Variants in DDA1 observed in about 807,000 individuals in gnomAD.
The protein encoded by DDA1 is DET1 and DDB1 associated 1.
DDA1 carries 3 observed loss-of-function variants against 18.6 expected under a neutral mutation model. The ratio of observed to expected loss-of-function variants is 0.16; its 90% CI spans 0.07 to 0.42. The LOEUF (loss-of-function observed/expected upper bound fraction) is 0.42, where lower values mean the gene tolerates loss of function less well. Ranked by LOEUF, DDA1 falls within the 10% of genes least tolerant of loss-of-function variation. The pLI is 0.99. For missense variants in DDA1, 105 were observed against 138.2 expected (o/e 0.76, Z 1.20); for synonymous variants, 52 against 54.0 (o/e 0.96, Z 0.17).
At chr19:17,310,728 G>A (rs1267710718) in intron 1 of DDA1, among the ~76,000 whole-genome samples, 2 of 152,170 alleles carry the variant, frequency 1.3e-5, no homozygotes, top group African/African-American at 4.8e-5. Flanking sequence ...CCCCAAGCCT[G>A]GGAGTTGTCC....
At position 17,320,541 on chromosome 19, in the gene DDA1, A is replaced by G. The variant is rs1024428338; in HGVS notation, c.*885A>G. ...TCCTGAGAGACGGTCCATGGTGCCA[A>G]GGATGGAGCGGGGTCAGCCCCCTGC... On this transcript the variant is annotated 3_prime_UTR_variant, in exon 5 of 5. Transcript: ENST00000359866. The G allele has an allele frequency of 1.3e-5, 2 of 152,414 alleles. No individual in the cohort carries two copies. Among genetic ancestry groups the G allele is most frequent in the Non-Finnish European group, 2.9e-5 (2 of 68,152 alleles). The allele number at this position is 152,414 out of a possible 1,614,324, so 9.4% of individuals were successfully genotyped here.
At chr19:17,315,208 T>TGTATACACGCAC (rs2074201016) in intron 3 of DDA1, among the ~76,000 whole-genome samples, 1 of 22,982 alleles carries the variant, frequency 4.4e-5, no homozygotes, top group African/African-American at 2.0e-4. Flanking sequence ...TATACACACG[T>TGTATACACGCAC]GTATATACAC....
At chr19:17,318,665 C>A (rs920060183) in intron 4 of DDA1, among the ~76,000 whole-genome samples, 47 of 151,446 alleles carry the variant, frequency 3.1e-4, no homozygotes, top group Admixed American at 2.3e-3. Flanking sequence ...CCGCGCCTGG[C>A]CTTCTTTTTT....
chr19:17,310,443 G>T (rs2074173970), intron 1 of DDA1, among the ~76,000 whole-genome samples: 1 of 152,286 alleles, frequency 6.6e-6, no homozygotes, highest in South Asian at 2.1e-4. Flanking sequence ...CTGGAATTTG[G>T]GTCTGGTGGT....
chr19:17,314,752 C>G lies in DDA1; in HGVS notation c.136+363C>G. 1 of 311,004 alleles carries G rather than the reference C, an allele frequency of 3.2e-6. No individual in the cohort carries two copies. Among genetic ancestry groups the G allele is most frequent in the South Asian group, 3.3e-5 (1 of 30,638 alleles). 19.3% of individuals were successfully genotyped at this position (311,004 alleles called of 1,614,324 possible). A position where few individuals can be genotyped will look rare whatever the true frequency, so the allele number is the denominator to read the frequency against. On this transcript the variant is annotated intron_variant, in intron 3 of 4. Coordinates refer to ENST00000359866, the MANE Select transcript of DDA1 (RefSeq NM_024050.6). The surrounding 1 kb of genome is among the most constrained non-coding windows in gnomAD (Gnocchi z 4.6). Reference sequence around the variant, plus strand: ...CTGCCACTCACTGGTCCTTTCCCCTCCCTGTCAGATGAGGTCAAGCGAGAA... The same window carrying G: ...CTGCCACTCACTGGTCCTTTCCCCTGCCTGTCAGATGAGGTCAAGCGAGAA...
At position 17,314,470 on chromosome 19, in the gene DDA1, A is replaced by T; in HGVS notation, c.136+81A>T. 1 of 1,574,286 alleles carries T rather than the reference A, an allele frequency of 6.4e-7. No individual in the cohort carries two copies. The highest frequency in any genetic ancestry group is 8.7e-7 in the Non-Finnish European group (1 of 1,144,964). On this transcript the variant is annotated intron_variant, in intron 3 of 4. Transcript: ENST00000359866. The surrounding 1 kb of genome is among the most constrained non-coding windows in gnomAD (Gnocchi z 4.6). ...GACTGCAGCGTGGCACGCGGAGGTT[A>T]TCTTCAACCCCGGCCCAGGCCATAG...
chr19:17,318,960 C>A (rs988248194), intron 4 of DDA1, among the ~76,000 whole-genome samples: 3 of 152,156 alleles, frequency 2.0e-5, no homozygotes, highest in Middle Eastern at 3.2e-3. Flanking sequence ...GGCCCACCCC[C>A]ACCCCTTCTC....
chr19:17,312,224 C>T (rs1377526623), intron 1 of DDA1, among the ~76,000 whole-genome samples: 1 of 152,174 alleles, frequency 6.6e-6, no homozygotes, highest in Non-Finnish European at 1.5e-5. Context: ...CGCCACTCAG[C>T]CACCGGGCCC....
intron 4 of DDA1, among the ~76,000 whole-genome samples, chr19:17,316,711 A>G (rs1290318938): frequency 6.6e-6 from 1 of 150,668 alleles, no homozygotes; most frequent in Middle Eastern, 3.3e-3. Context: ...TGTCTCTACT[A>G]AAAAATACAA....
rs2074224164 is a variant in DDA1, at chr19:17,318,427, C to G, written c.199-1119C>G. Among the ~76,000 whole-genome samples the G allele has an allele frequency of 2.0e-5, 3 of 151,914 alleles. No homozygotes were observed. In the South Asian group the frequency reaches 6.2e-4, roughly 32 times the overall value. On this transcript the variant is annotated intron_variant, in intron 4 of 4. Transcript: ENST00000359866. ...TGTATTTTTAGTAGAGGCGGGGTTT[C>G]TCGATGTTAGTCTGACTTGTCTTGA...
chr19:17,315,849 C>A, intron 3 of DDA1, 85 bp from the exon 4 acceptor site: 3 of 1,312,680 alleles, frequency 2.3e-6, no homozygotes, highest in Non-Finnish European at 3.3e-6. Flanking sequence ...TGAGTTCCAG[C>A]CCCAAAAAGA....
In DDA1 at chr19:17,317,389, T is replaced by C. The variant is rs529352483; in HGVS notation, c.198+1394T>C. On this transcript the variant is annotated intron_variant, in intron 4 of 4. Transcript: ENST00000359866. ...CCGCGTAGCTGGGTGTGGCGGCGGG[T>C]GCCTGTAGTCCCAGCTACTTGGGAG... Among the ~76,000 whole-genome samples the C allele has an allele frequency of 2.0e-5, 3 of 151,452 alleles. No homozygotes were observed. In the South Asian group the frequency reaches 6.3e-4, roughly 32 times the overall value.
intron 3 of DDA1, chr19:17,315,704 T>G: frequency 1.6e-6 from 1 of 610,610 alleles, no homozygotes; most frequent in Non-Finnish European, 2.9e-6. Flanking sequence ...CGGGGCTTGG[T>G]CCCCCACCAA....
chr19:17,315,428 G>GTATATATATATATATATATATATATATA (rs1568354197), intron 3 of DDA1, among the ~76,000 whole-genome samples: 2 of 71,362 alleles, frequency 2.8e-5, no homozygotes, highest in East Asian at 3.1e-4. Flanking sequence ...GTGTGTGTGT[G>GTATATATATATATATATATATATATATA]CATATATATA....
In DDA1 at chr19:17,322,609, A is replaced by C. The variant is rs1009926846; in HGVS notation, c.*2953A>C. ...GGACACATTTGTCCTCTTCCTGAAAAATGTGAGGGTCTGAGAGGCCACGTT... is the reference window on the plus strand; with the variant it reads ...GGACACATTTGTCCTCTTCCTGAAACATGTGAGGGTCTGAGAGGCCACGTT... On this transcript the variant is annotated 3_prime_UTR_variant, in exon 5 of 5. Transcript: ENST00000359866. 4 of 152,230 alleles carry C rather than the reference A, an allele frequency of 2.6e-5. No homozygotes were observed. The highest frequency in any genetic ancestry group is 2.6e-4 in the Admixed American group (4 of 15,280). The allele number at this position is 152,230 out of a possible 1,614,324, so 9.4% of individuals were successfully genotyped here.
chr19:17,309,764 C>T, intron 1 of DDA1, 107 bp downstream of exon 1: 10 of 1,417,046 alleles, frequency 7.1e-6, no homozygotes, highest in Non-Finnish European at 8.5e-6. Context: ...CTGCCCGGTC[C>T]CCTCAGGTCC....
chr19:17,315,190 C>T lies in DDA1; in HGVS notation c.137-744C>T, dbSNP rs62128060. Among the ~76,000 whole-genome samples, 77 of 13,488 alleles carry T rather than the reference C, an allele frequency of 5.7e-3. 1 individual carries two copies. Among genetic ancestry groups the T allele is most frequent in the South Asian group, 0.012 (6 of 520 alleles). The allele number at this position is 13,488 out of a possible 152,430, so 8.8% of individuals were successfully genotyped here. ...GTGTATATACACACACGTGTATACACACACGTGTATACACACGTGTATATA... is the reference window on the plus strand; with the variant it reads ...GTGTATATACACACACGTGTATACATACACGTGTATACACACGTGTATATA... On this transcript the variant is annotated intron_variant, in intron 3 of 4. Coordinates refer to ENST00000359866, the MANE Select transcript of DDA1 (RefSeq NM_024050.6).
At chr19:17,315,158 T>C (rs60378003) in intron 3 of DDA1, among the ~76,000 whole-genome samples, 1,442 of 28,742 alleles carry the variant, frequency 0.05, 291 homozygotes, top group African/African-American at 0.22. Flanking sequence ...CACGTATATA[T>C]ACACACGTGT....
At chr19:17,313,138 T>C (rs2074186711) in intron 1 of DDA1, among the ~76,000 whole-genome samples, 1 of 152,172 alleles carries the variant, frequency 6.6e-6, no homozygotes, top group Non-Finnish European at 1.5e-5. Context: ...CTGCAGGGGC[T>C]CTGGCTTTTG....
Sources: gnomAD v4.1 joint callset for allele counts (sites outside exome capture counted in the v4.1 genomes callset) on GRCh38, gnomAD v4.1.1 for gene constraint, Gnocchi (gnomAD v3.1) non-coding constraint, MANE v1.5 for transcripts, NCBI Gene and HGNC (gene_info 2026-07-23, HGNC 2026-07-21) for gene names.